The following CADPS2 variants were observed in gnomAD, a reference collection of about 807,000 sequenced individuals.
CADPS2 encodes calcium-dependent secretion activator 2.
CADPS2 carries 93 observed loss-of-function variants against 172.5 expected under a neutral mutation model. That is an observed-to-expected ratio of 0.54 (90% CI 0.46 to 0.64). CADPS2 has a LOEUF of 0.64. Ranked by LOEUF, CADPS2 falls within the 30% of genes least tolerant of loss-of-function variation. The pLI is 0.00. For synonymous variants in CADPS2, 546 were observed against 555.2 expected (o/e 0.98, Z 0.23); for missense variants, 1,420 against 1,565.9 (o/e 0.91, Z 1.57).
intron 1 of CADPS2, among the ~76,000 whole-genome samples, chr7:122,840,156 G>A (rs1442374589): frequency 2.6e-5 from 4 of 152,016 alleles, no homozygotes; most frequent in South Asian, 2.1e-4. Context: ...GGAAACCATC[G>A]TTCTGAGCAA....
At chr7:122,646,545 G>A (rs1215283056) in intron 3 of CADPS2, among the ~76,000 whole-genome samples, 3 of 152,046 alleles carry the variant, frequency 2.0e-5, no homozygotes, top group African/African-American at 4.8e-5. Context: ...AGAGAATAAC[G>A]TGAGGTAAAA....
At chr7:122,431,259 T>C (rs1170773573) in intron 17 of CADPS2, among the ~76,000 whole-genome samples, 12 of 152,248 alleles carry the variant, frequency 7.9e-5, no homozygotes, top group African/African-American at 2.4e-5. Context: ...GTACCAAATA[T>C]GTGCTGGGCA....
At chr7:122,527,613 A>AGTGT (rs1178150682) in intron 8 of CADPS2, among the ~76,000 whole-genome samples, 17 of 102,000 alleles carry the variant, frequency 1.7e-4, no homozygotes, top group African/African-American at 4.3e-4. Context: ...AGAGAGAGAG[A>AGTGT]GAGAGTGTGT....
In CADPS2 at chr7:122,393,483, G is replaced by A. The variant is rs377238949; in HGVS notation, c.2846C>T (p.Ser949Leu). The change falls in exon 21 of 30, where the codon TCA becomes TTA. Residue 949 changes from serine (S) to leucine (L), a missense_variant. Coordinates refer to ENST00000449022, the MANE Select transcript of CADPS2 (RefSeq NM_017954.11). ...CTCCTGCTCAAAACCTCTGTGAATT[G>A]ACTGGGCGATGGAAGACTCCATGAG... is the stretch of plus-strand genomic sequence containing the variant. ...VDLMESSIAQ[S>L]IHRGFEQETW... 7 of 1,613,756 alleles carry A rather than the reference G, an allele frequency of 4.3e-6. No individual in the cohort carries two copies. The African/African-American group carries it at 9.4e-5, about 22-fold the overall frequency.
intron 1 of CADPS2, among the ~76,000 whole-genome samples, chr7:122,814,290 C>A (rs1402424406): frequency 1.3e-5 from 2 of 151,652 alleles, no homozygotes; most frequent in African/African-American, 4.8e-5. Context: ...ACCACTTAAG[C>A]AAAATGATGA....
chr7:122,488,559 T>C (rs1261551687), intron 11 of CADPS2, among the ~76,000 whole-genome samples: 5 of 152,212 alleles, frequency 3.3e-5, no homozygotes, highest in East Asian at 1.9e-4. Flanking sequence ...GGCAGGTCCA[T>C]GGTGACGAGC....
intron 1 of CADPS2, among the ~76,000 whole-genome samples, chr7:122,818,790 GCTC>G (rs1802268783): frequency 6.6e-6 from 1 of 152,108 alleles, no homozygotes; most frequent in Non-Finnish European, 1.5e-5. Flanking sequence ...CAAGGTTAAT[GCTC>G]CTTTTTCTTT....
At chr7:122,529,550 T>C (rs533476016) in intron 8 of CADPS2, among the ~76,000 whole-genome samples, 2 of 152,022 alleles carry the variant, frequency 1.3e-5, no homozygotes, top group African/African-American at 2.4e-5. Context: ...AGTCTGGTGG[T>C]GTCTCTGGAT....
intron 3 of CADPS2, among the ~76,000 whole-genome samples, chr7:122,658,875 A>C (rs2080156200): frequency 6.6e-6 from 1 of 152,182 alleles, no homozygotes; most frequent in South Asian, 2.1e-4. Flanking sequence ...CTAGAACTTA[A>C]AGTATAATAA....
At chr7:122,358,142 C>A (rs13231815) in intron 27 of CADPS2, among the ~76,000 whole-genome samples, 5,150 of 152,190 alleles carry the variant, frequency 0.034, 149 homozygotes, top group Non-Finnish European at 0.05. Flanking sequence ...TTTGCTGTTG[C>A]CAGTTTGTTT....
At chr7:122,875,267 G>A (rs902914079) in intron 1 of CADPS2, among the ~76,000 whole-genome samples, 1 of 152,194 alleles carries the variant, frequency 6.6e-6, no homozygotes, top group African/African-American at 2.4e-5. Flanking sequence ...AGTAAAATCA[G>A]TGTTAAATCT....
intron 3 of CADPS2, among the ~76,000 whole-genome samples, chr7:122,632,936 C>T (rs2076718030): frequency 6.6e-6 from 1 of 152,094 alleles, no homozygotes; most frequent in Admixed American, 6.6e-5. Flanking sequence ...ATTCCAGCAC[C>T]ATTTATTGAA....
intron 1 of CADPS2, among the ~76,000 whole-genome samples, chr7:122,767,818 A>C (rs570586505): frequency 6.6e-6 from 1 of 152,320 alleles, no homozygotes; most frequent in African/African-American, 2.4e-5. Context: ...AAAGGAGTAA[A>C]AGAAAGTGTT....
chr7:122,438,290 T>G (rs2050907633), intron 17 of CADPS2, 51 bp downstream of exon 17: 2 of 1,607,074 alleles, frequency 1.2e-6, no homozygotes, highest in Non-Finnish European at 1.7e-6. Flanking sequence ...ATTCAGTTAC[T>G]AGGCATTGTT....
chr7:122,814,554 T>A (rs1225901825), intron 1 of CADPS2, among the ~76,000 whole-genome samples: 1 of 152,080 alleles, frequency 6.6e-6, no homozygotes, highest in African/African-American at 2.4e-5. Context: ...GAAATTAAAA[T>A]TGTAGTGTCT....
At chr7:122,576,771 T>C (rs1270332721) in intron 7 of CADPS2, among the ~76,000 whole-genome samples, 1 of 142,582 alleles carries the variant, frequency 7.0e-6, no homozygotes, top group Non-Finnish European at 1.5e-5. Flanking sequence ...TCAGGAGATC[T>C]GATTTTTTTT....
At chr7:122,404,221 C>G (rs529756434) in intron 20 of CADPS2, among the ~76,000 whole-genome samples, 5 of 152,156 alleles carry the variant, frequency 3.3e-5, no homozygotes, top group African/African-American at 1.2e-4. Flanking sequence ...CAATTCCCAC[C>G]TATCAGTGAG....
intron 11 of CADPS2, among the ~76,000 whole-genome samples, chr7:122,484,097 A>G (rs755401930): frequency 5.9e-5 from 9 of 152,204 alleles, no homozygotes; most frequent in Non-Finnish European, 1.3e-4. Context: ...GAATGTCAAG[A>G]TGTTTTAAAA....
At chr7:122,404,993 G>A (rs538718004) in intron 20 of CADPS2, among the ~76,000 whole-genome samples, 1 of 152,004 alleles carries the variant, frequency 6.6e-6, no homozygotes, top group East Asian at 1.9e-4. Flanking sequence ...CAGGTGTGTG[G>A]TGGCGGGCGC....
Sources: allele counts gnomAD v4.1 joint callset (sites outside exome capture counted in the v4.1 genomes callset), GRCh38; gene constraint gnomAD v4.1.1; transcripts MANE v1.5; gene names NCBI Gene and HGNC (gene_info 2026-07-23, HGNC 2026-07-21).